DNAH14: variants seen among roughly 807,000 people sequenced by gnomAD.
DNAH14 encodes axonemal beta dynein heavy chain 14.
In DNAH14, 478 loss-of-function variants were observed where a neutral mutation model predicts 520.9. The ratio of observed to expected loss-of-function variants is 0.92; its 90% CI spans 0.85 to 0.99. DNAH14 has a LOEUF of 0.99. Among genes scored for constraint, DNAH14 ranks in the 50% least tolerant of loss-of-function variants. The pLI, the probability that DNAH14 is intolerant of heterozygous loss-of-function variation, is 0.00. For synonymous variants in DNAH14, 1,581 were observed against 1,757.2 expected, an observed-to-expected ratio of 0.90 and a Z score of 2.51; for missense variants, 4,831 against 5,234.5, an observed-to-expected ratio of 0.92 and a Z score of 2.38.
chr1:225,377,564 A>T (rs1179207500), intron 79 of DNAH14, 128 bp downstream of exon 79: 1 of 834,054 alleles, frequency 1.2e-6, no homozygotes. Context: ...GTTCGAGACC[A>T]CTCTGAGCAA....
chr1:225,278,959 C>G (rs756088543), intron 54 of DNAH14, among the ~76,000 whole-genome samples: 4 of 152,018 alleles, frequency 2.6e-5, no homozygotes, highest in Admixed American at 6.6e-5. Context: ...TTCCTCTGAT[C>G]CTATTACTGT....
intron 5 of DNAH14, among the ~76,000 whole-genome samples, chr1:224,965,260 C>T (rs991114158): frequency 6.6e-6 from 1 of 152,082 alleles, no homozygotes; most frequent in Admixed American, 6.6e-5. Flanking sequence ...GCAAGCAACA[C>T]TGGAATCACC....
At chr1:225,127,173 A>G (rs1381785746) in intron 27 of DNAH14, among the ~76,000 whole-genome samples, 2 of 152,204 alleles carry the variant, frequency 1.3e-5, no homozygotes, top group Non-Finnish European at 2.9e-5. Flanking sequence ...GCTGAGAAGA[A>G]TGTATATTCT....
chr1:225,115,607 AG>A (rs1428652832), intron 23 of DNAH14, among the ~76,000 whole-genome samples: 1 of 152,170 alleles, frequency 6.6e-6, no homozygotes, highest in Non-Finnish European at 1.5e-5. Flanking sequence ...CTGCCCATAT[AG>A]GCCCTCTTCT....
At chr1:225,273,744 A>G (rs2093380281) in intron 52 of DNAH14, among the ~76,000 whole-genome samples, 1 of 152,110 alleles carries the variant, frequency 6.6e-6, no homozygotes, top group East Asian at 1.9e-4. Context: ...TTTGAACTTT[A>G]GTTTTCTTAC....
At chr1:224,970,229 C>G (rs947487638) in intron 7 of DNAH14, among the ~76,000 whole-genome samples, 6 of 152,068 alleles carry the variant, frequency 3.9e-5, no homozygotes, top group African/African-American at 1.4e-4. Context: ...GAAATAAGCC[C>G]CAGTCCCGTA....
intron 69 of DNAH14, among the ~76,000 whole-genome samples, chr1:225,345,463 T>A (rs1276201603): frequency 1.3e-5 from 2 of 152,228 alleles, no homozygotes; most frequent in Non-Finnish European, 2.9e-5. Context: ...TCTAGAGAAG[T>A]GCTTTTTCAA....
intron 1 of DNAH14, among the ~76,000 whole-genome samples, chr1:224,949,227 A>G (rs111837952): frequency 0.013 from 1,976 of 152,244 alleles, 21 homozygotes; most frequent in Non-Finnish European, 0.021. Context: ...TCTTAGTCCA[A>G]TGGTTTTCCA....
At chr1:224,951,396 G>A (rs2060161701) in intron 1 of DNAH14, among the ~76,000 whole-genome samples, 1 of 127,510 alleles carries the variant, frequency 7.8e-6, no homozygotes, top group Admixed American at 7.1e-5. Context: ...ATTTGATTTA[G>A]GGATTTTTTT....
chr1:225,070,142 T>G (rs558681395), intron 17 of DNAH14, among the ~76,000 whole-genome samples: 1 of 152,266 alleles, frequency 6.6e-6, no homozygotes, highest in Non-Finnish European at 1.5e-5. Context: ...TTATTAATTT[T>G]TTTCAAAAAA....
At chr1:225,245,293 T>C (rs1168528194) in intron 43 of DNAH14, among the ~76,000 whole-genome samples, 1 of 151,968 alleles carries the variant, frequency 6.6e-6, no homozygotes, top group African/African-American at 2.4e-5. Context: ...ATAAGTGCTA[T>C]GTGGTGCTGA....
At chr1:225,055,805 G>T (rs1463054220) in intron 17 of DNAH14, among the ~76,000 whole-genome samples, 1 of 151,446 alleles carries the variant, frequency 6.6e-6, no homozygotes, top group Non-Finnish European at 1.5e-5. Context: ...TTGTCCTTGC[G>T]ATAGTTTGCT....
In DNAH14 at chr1:224,972,663, C is replaced by T. The variant is rs371426978; in HGVS notation, c.768-1428C>T. 4.6e-5 allele frequency among the ~76,000 whole-genome samples: 7 copies of T among 152,084 alleles called. No individual in the cohort carries two copies. The South Asian group carries it at 6.2e-4, about 14-fold the overall frequency. On this transcript the variant is annotated intron_variant, in intron 7 of 85. Transcript: ENST00000682510. ...TGTATTTTTAGTAGACACAGGGTTT[C>T]GCTGTGTTAGCCAGGATGGTCTCGA...
chr1:225,011,758 CTTTTT>C (rs200216236), intron 10 of DNAH14, among the ~76,000 whole-genome samples: 15 of 82,130 alleles, frequency 1.8e-4, no homozygotes, highest in African/African-American at 7.7e-4. Context: ...GCAACCTCTG[CTTTTT>C]TTTTTTTTTT....
At chr1:225,379,138 G>A (rs1440807604) in intron 79 of DNAH14, among the ~76,000 whole-genome samples, 2 of 152,184 alleles carry the variant, frequency 1.3e-5, no homozygotes, top group Non-Finnish European at 2.9e-5. Flanking sequence ...CCCGCGGAGT[G>A]TGTGATTAAG....
At chr1:225,327,149 G>A (rs1268308347) in intron 64 of DNAH14, among the ~76,000 whole-genome samples, 1 of 136,682 alleles carries the variant, frequency 7.3e-6, no homozygotes, top group African/African-American at 2.9e-5. Flanking sequence ...CATGAAGGTT[G>A]AAATTAGTAA....
At chr1:225,336,793 C>T (rs1298132285) in intron 66 of DNAH14, among the ~76,000 whole-genome samples, 1 of 152,138 alleles carries the variant, frequency 6.6e-6, no homozygotes, top group Non-Finnish European at 1.5e-5. Flanking sequence ...GTCTTTTAGC[C>T]TCAGTTCCTC....
chr1:225,038,747 A>G lies in DNAH14; in HGVS notation c.1412A>G (p.Glu471Gly). 1.3e-6 allele frequency: 2 copies of G among 1,537,904 alleles called. No homozygotes were observed. The highest frequency in any genetic ancestry group is 1.8e-6 in the Non-Finnish European group (2 of 1,142,438). The change falls in exon 12 of 86, where the codon GAA (glutamate) becomes GGA (glycine). Residue 471 changes from glutamate to glycine, a missense_variant. By Grantham distance (98) the Glu-to-Gly change is moderately conservative. Transcript: ENST00000682510. ...GGAAAGACAACAAATGATTGTGAAG[A>G]ACTTGTTGATAATTCAAAGTTACAT... ...PTGKTTNDCE[E>G]LVDNSKLHAI...
intron 64 of DNAH14, among the ~76,000 whole-genome samples, chr1:225,326,584 T>C (rs1317001361): frequency 6.6e-6 from 1 of 152,004 alleles, no homozygotes; most frequent in African/African-American, 2.4e-5. Context: ...GTGTAGTATA[T>C]ACCACTGAAT....
Sources: gnomAD v4.1 joint callset for allele counts (sites outside exome capture counted in the v4.1 genomes callset) on GRCh38, gnomAD v4.1.1 for gene constraint, MANE v1.5 for transcripts, NCBI Gene and HGNC (gene_info 2026-07-23, HGNC 2026-07-21) for gene names.